ITIH5: variants seen among roughly 807,000 people sequenced by gnomAD.
The protein encoded by ITIH5 is inter-alpha-trypsin inhibitor heavy chain 5, also known as inter-alpha-trypsin inhibitor heavy chain H5.
ITIH5 carries 65 observed loss-of-function variants against 77.5 expected under a neutral mutation model. The observed-to-expected ratio is 0.84, with a 90% CI of 0.69 to 1.03. The LOEUF (loss-of-function observed/expected upper bound fraction) is 1.03, where lower values mean the gene tolerates loss of function less well. Ranked by LOEUF, ITIH5 falls within the 50% of genes least tolerant of loss-of-function variation. ITIH5 has a pLI of 0.00. For synonymous variants in ITIH5, 525 were observed against 494.3 expected, an observed-to-expected ratio of 1.06 and a Z score of -0.82; for missense variants, 1,208 against 1,213.1, an observed-to-expected ratio of 1.00 and a Z score of 0.06.
chr10:7,573,178 G>A lies in ITIH5; in HGVS notation c.1996C>T (p.Pro666Ser), dbSNP rs1349806553. The change falls in exon 11 of 14, where the codon CCA becomes TCA. Residue 666 changes from proline (P) to serine (S), a missense_variant. Pro to Ser is a moderately conservative substitution (Grantham distance 74). Transcript: ENST00000397146. Reference sequence around the variant, plus strand: ...GAGATTTTAATTCTTGGCTGGTATGGCTTCTTGAGCAAAGGTCCTAAAAGG... The same window carrying A: ...GAGATTTTAATTCTTGGCTGGTATGACTTCTTGAGCAAAGGTCCTAAAAGG... ...GTQPGPLLKK[P>S]YQPRIKISKT... 6.8e-6 allele frequency: 11 copies of A among 1,613,444 alleles called. No individual in the cohort carries two copies. In the Admixed American group the frequency reaches 1.8e-4, roughly 27 times the overall value.
At chr10:7,658,096 T>C (rs1280994388) in intron 1 of ITIH5, among the ~76,000 whole-genome samples, 1 of 152,254 alleles carries the variant, frequency 6.6e-6, no homozygotes, top group Non-Finnish European at 1.5e-5. Flanking sequence ...ACACTATATG[T>C]AACATGATCC....
rs376690124 is a variant in ITIH5, at chr10:7,616,107, G to A, written c.823-9C>T. ...AAATAGCCATTTAGAACCTGGTGGA[G>A]GGAAAAGAAAGTAAAAACGGTAGTA... On this transcript the variant is annotated splice_polypyrimidine_tract_variant and intron_variant, in intron 6 of 13. Coordinates refer to ENST00000397146, the MANE Select transcript of ITIH5 (RefSeq NM_030569.7). 39 of 1,540,666 alleles carry A rather than the reference G, an allele frequency of 2.5e-5. No individual in the cohort carries two copies. Among genetic ancestry groups the A allele is most frequent in the Admixed American group, 3.3e-5 (2 of 59,890 alleles).
chr10:7,566,520 G>A (rs1240017437), intron 12 of ITIH5, 113 bp from the exon 13 acceptor site: 1 of 1,027,582 alleles, frequency 9.7e-7, no homozygotes, highest in Non-Finnish European at 1.4e-6. Context: ...CTGAGTCCAG[G>A]AGTTCAAGAC....
At chr10:7,592,823 C>T (rs1474642023) in intron 7 of ITIH5, among the ~76,000 whole-genome samples, 5 of 152,152 alleles carry the variant, frequency 3.3e-5, no homozygotes, top group Admixed American at 2.6e-4. Context: ...GGTGTCCCCA[C>T]CCAGGAAGGA....
At chr10:7,626,522 G>A (rs1255400291) in intron 5 of ITIH5, among the ~76,000 whole-genome samples, 1 of 152,174 alleles carries the variant, frequency 6.6e-6, no homozygotes, top group Non-Finnish European at 1.5e-5. Flanking sequence ...ATTTCGCAGA[G>A]GCCAAACAGG....
chr10:7,620,520 A>T (rs73621010), intron 5 of ITIH5: 21,447 of 152,214 alleles, frequency 0.14, 1,685 homozygotes, highest in East Asian at 0.26. Flanking sequence ...AAGGCAGTTG[A>T]ATGAGGGTAT....
rs1226741806 is a variant in ITIH5, at chr10:7,628,751, TGCAGCGTGTGTC to T, written c.652+8465_652+8476del. On this transcript the variant is annotated intron_variant, in intron 5 of 13. Transcript: ENST00000397146. The stretch of plus-strand genomic sequence containing the variant: ...TCCATGTTGCAGCGTGTGTCCATGT[TGCAGCGTGTGTC>T]CATGTTGTAGCGTGTGTCCATGTTA... Among the ~76,000 whole-genome samples, 15 of 127,888 alleles carry T rather than the reference TGCAGCGTGTGTC, an allele frequency of 1.2e-4. 4 individuals carry two copies. Among genetic ancestry groups the T allele is most frequent in the Non-Finnish European group, 2.3e-4 (14 of 60,862 alleles). The allele number at this position is 127,888 out of a possible 152,430, so 83.9% of individuals were successfully genotyped here.
chr10:7,630,913 G>A (rs1379158040), intron 5 of ITIH5, among the ~76,000 whole-genome samples: 2 of 151,924 alleles, frequency 1.3e-5, no homozygotes, highest in African/African-American at 2.4e-5. Flanking sequence ...CATTCCTAGA[G>A]TTAAGATTTC....
intron 2 of ITIH5, among the ~76,000 whole-genome samples, chr10:7,652,243 G>A (rs1011475049): frequency 3.3e-5 from 5 of 152,152 alleles, no homozygotes; most frequent in South Asian, 2.1e-4. Flanking sequence ...GCAGTGTTAC[G>A]GGAGTACCAG....
At chr10:7,617,005 T>G in intron 6 of ITIH5, 108 bp downstream of exon 6, 2 of 689,406 alleles carry the variant, frequency 2.9e-6, no homozygotes, top group Non-Finnish European at 2.2e-6. Context: ...ACAAATTTAC[T>G]AAGAAGCAGA....
chr10:7,595,644 A>G (rs7070836), intron 7 of ITIH5, among the ~76,000 whole-genome samples: 143,331 of 152,292 alleles, frequency 0.94, 68,125 homozygotes, highest in Non-Finnish European at 1. Flanking sequence ...TCCATCTTAG[A>G]TTTACTATTA....
intron 11 of ITIH5, chr10:7,572,213 T>C: frequency 2.4e-6 from 3 of 1,246,854 alleles, no homozygotes; most frequent in South Asian, 2.9e-5. Context: ...TTTAGGAACT[T>C]GCACGTACAG....
intron 5 of ITIH5, among the ~76,000 whole-genome samples, chr10:7,625,851 A>C (rs1311723092): frequency 6.6e-6 from 1 of 152,120 alleles, no homozygotes; most frequent in Non-Finnish European, 1.5e-5. Flanking sequence ...TTTTATCACA[A>C]TTTTTACAAG....
chr10:7,612,164 A>G (rs548077922), intron 7 of ITIH5, among the ~76,000 whole-genome samples: 3 of 152,228 alleles, frequency 2.0e-5, no homozygotes, highest in Non-Finnish European at 4.4e-5. Context: ...ACATGAAGAC[A>G]GTCATCCCGA....
intron 1 of ITIH5, among the ~76,000 whole-genome samples, chr10:7,661,692 G>T (rs758163713): frequency 6.6e-5 from 10 of 152,148 alleles, no homozygotes; most frequent in Non-Finnish European, 1.3e-4. Context: ...ACAATTTCCA[G>T]AAAGATTGTT....
At chr10:7,617,579 TACCA>T (rs770903142) in intron 5 of ITIH5, 18 of 207,508 alleles carry the variant, frequency 8.7e-5, no homozygotes, top group Non-Finnish European at 1.4e-4. Context: ...ATCAGCATGT[TACCA>T]ACCTTTTGTA....
chr10:7,569,647 G>A, intron 12 of ITIH5, 21 bp downstream of exon 12: 1 of 1,508,066 alleles, frequency 6.6e-7, no homozygotes, highest in Non-Finnish European at 9.1e-7. Context: ...CCCAGATGCT[G>A]CAGCGGAAGG....
chr10:7,623,566 G>A (rs946128149), intron 5 of ITIH5, among the ~76,000 whole-genome samples: 5 of 152,252 alleles, frequency 3.3e-5, no homozygotes, highest in South Asian at 2.1e-4. Context: ...CACTTTGGGA[G>A]GCCAAGGCAG....
intron 7 of ITIH5, among the ~76,000 whole-genome samples, chr10:7,610,007 A>C (rs1013126583): frequency 2.0e-5 from 3 of 151,946 alleles, no homozygotes; most frequent in Non-Finnish European, 4.4e-5. Context: ...ACTAACAACA[A>C]AAAAAAGAAG....
Sources: gnomAD v4.1 joint callset for allele counts (sites outside exome capture counted in the v4.1 genomes callset) on GRCh38, gnomAD v4.1.1 for gene constraint, MANE v1.5 for transcripts, NCBI Gene and HGNC (gene_info 2026-07-23, HGNC 2026-07-21) for gene names.